Variants in LRRC75A observed in about 807,000 individuals in gnomAD.
LRRC75A encodes the protein leucine rich repeat containing 75A, also known as leucine-rich repeat-containing protein 75A.
Under a neutral mutation model 26.0 loss-of-function variants are expected in LRRC75A, and 12 were observed. The observed-to-expected ratio is 0.46, with a 90% CI of 0.30 to 0.75. The LOEUF (loss-of-function observed/expected upper bound fraction) is 0.75. Ranked by LOEUF, LRRC75A falls within the 30% of genes least tolerant of loss-of-function variation. LRRC75A has a pLI of 0.08. For missense variants in LRRC75A, 410 were observed against 486.6 expected (o/e 0.84, Z 1.48); for synonymous variants, 223 against 219.3 (o/e 1.02, Z -0.15).
At chr17:16,453,492 A>G (rs182728561) in intron 2 of LRRC75A, among the ~76,000 whole-genome samples, 1 of 152,254 alleles carries the variant, frequency 6.6e-6, no homozygotes, top group South Asian at 2.1e-4. Flanking sequence ...GCGTCTCCTC[A>G]CTGGCTAGAC....
intron 2 of LRRC75A, among the ~76,000 whole-genome samples, chr17:16,453,031 C>T (rs1007463082): frequency 6.6e-6 from 1 of 152,128 alleles, no homozygotes; most frequent in Non-Finnish European, 1.5e-5. Context: ...TAGTTCACGC[C>T]TGTAATCCCA....
In LRRC75A at chr17:16,456,422, A is replaced by G. The variant is rs561936596; in HGVS notation, c.375+5836T>C. Among the ~76,000 whole-genome samples the G allele has an allele frequency of 8.7e-5, 13 of 149,352 alleles. No homozygotes were observed. The East Asian group carries it at 2.6e-3, about 30-fold the overall frequency. Reference sequence around the variant, plus strand: ...AAGGAGGAAGAGGAGGAGGAGGAAGAGGAGCAGAAGAAGGAAGAGGAGGAG... The same window carrying G: ...AAGGAGGAAGAGGAGGAGGAGGAAGGGGAGCAGAAGAAGGAAGAGGAGGAG... On this transcript the variant is annotated intron_variant, in intron 2 of 3. Transcript: ENST00000470794.
Position 16,462,138 on chromosome 17 carries a change from G to T in LRRC75A, c.375+120C>A. On this transcript the variant is annotated intron_variant, in intron 2 of 3. Coordinates refer to ENST00000470794, the MANE Select transcript of LRRC75A (RefSeq NM_001113567.3). This position sits in a 1 kb window ranked among gnomAD's most constrained non-coding sequence, Gnocchi z 4.6. ...CACCTCAAGCTCTTGGTGCCTGGAG[G>T]ACGGGCTTGTCCTCCTTGGGCCTGT... 1 of 1,296,112 alleles carries T rather than the reference G, an allele frequency of 7.7e-7. No individual in the cohort carries two copies. The highest frequency in any genetic ancestry group is 1.1e-6 in the Non-Finnish European group (1 of 947,142). The allele number at this position is 1,296,112 out of a possible 1,614,324, so 80.3% of individuals were successfully genotyped here. A position where few individuals can be genotyped will look rare whatever the true frequency, so the allele number is the denominator to read the frequency against.
intron 1 of LRRC75A, among the ~76,000 whole-genome samples, chr17:16,466,755 C>A (rs1480910518): frequency 3.3e-5 from 5 of 152,138 alleles, no homozygotes; most frequent in Non-Finnish European, 5.9e-5. Flanking sequence ...ATAAACAGGT[C>A]TGGGGACTCG....
rs1372336685 is a variant in LRRC75A, at chr17:16,443,765, G to A, written c.858C>T (p.Arg286=). The A allele has an allele frequency of 6.2e-7, 1 of 1,613,820 alleles. No homozygotes were observed. Among genetic ancestry groups the A allele is most frequent in the Non-Finnish European group, 8.5e-7 (1 of 1,179,734 alleles). ...SLPQPFLLSL[R]KRSPKQGHLP... ...GGTGGCCCTGCTTTGGGGAGCGCTT[G>A]CGCAGGCTGAGCAGGAAGGGCTGGG... Residue 286 remains arginine (R), a synonymous_variant, in exon 4 of 4, where the codon CGC becomes CGT. Coordinates refer to ENST00000470794, the MANE Select transcript of LRRC75A (RefSeq NM_001113567.3).
intron 2 of LRRC75A, among the ~76,000 whole-genome samples, chr17:16,455,456 G>A (rs896792987): frequency 6.6e-5 from 10 of 151,654 alleles, no homozygotes; most frequent in African/African-American, 2.4e-4. Flanking sequence ...TCAGCTCAAT[G>A]CAACCTCCAT....
chr17:16,450,548 T>C (rs1270317303), intron 2 of LRRC75A, among the ~76,000 whole-genome samples: 2 of 152,152 alleles, frequency 1.3e-5, no homozygotes, highest in African/African-American at 4.8e-5. Context: ...TGTGTCACTC[T>C]TGTGTGTTGC....
In LRRC75A at chr17:16,462,374, C is replaced by T; in HGVS notation, c.259G>A (p.Glu87Lys). Residue 87 changes from glutamate (E) to lysine (K), a missense_variant, in exon 2 of 4, where the codon GAG becomes AAG. Physicochemically the swap from Glu to Lys is moderately conservative, Grantham distance 56. Transcript: ENST00000470794. The surrounding 1 kb of genome is among the most constrained non-coding windows in gnomAD (Gnocchi z 4.6). ...LQHLRQDLGMESTSLDDVLYR... is the reference protein window; with the variant it reads ...LQHLRQDLGMKSTSLDDVLYR... ...AGAACGTCGTCTAGCGAGGTCGACT[C>T]CATGCCCAGGTCCTGCAAGAGCAAA... The T allele has an allele frequency of 3.7e-6, 6 of 1,614,088 alleles. No individual in the cohort carries two copies. The highest frequency in any genetic ancestry group is 5.1e-6 in the Non-Finnish European group (6 of 1,180,026).
intron 3 of LRRC75A, 122 bp downstream of exon 3, chr17:16,447,723 T>C: frequency 2.9e-6 from 2 of 691,580 alleles, no homozygotes; most frequent in Admixed American, 3.0e-5. Context: ...TCTTACCTCC[T>C]TCAGGCAGCT....
At chr17:16,484,441 A>AT (rs1460574558) in intron 1 of LRRC75A, among the ~76,000 whole-genome samples, 1 of 152,224 alleles carries the variant, frequency 6.6e-6, no homozygotes, top group East Asian at 1.9e-4. Context: ...CCATGTGCAG[A>AT]TTGGGGAGGT....
chr17:16,465,269 A>G (rs2093759173), intron 1 of LRRC75A, among the ~76,000 whole-genome samples: 1 of 152,116 alleles, frequency 6.6e-6, no homozygotes, highest in Non-Finnish European at 1.5e-5. Flanking sequence ...CTGTCCCTAA[A>G]TGACCCTGGG....
intron 1 of LRRC75A, among the ~76,000 whole-genome samples, chr17:16,465,560 C>G (rs1300723952): frequency 6.6e-6 from 1 of 152,230 alleles, no homozygotes; most frequent in East Asian, 1.9e-4. Context: ...AGCTTGAAAG[C>G]CCTGGACCAG....
chr17:16,442,886 G>A lies in LRRC75A; in HGVS notation c.*702C>T, dbSNP rs1475955538. The stretch of plus-strand genomic sequence containing the variant: ...AAGGTGGATAGGGGATTTCTGAACA[G>A]GACTTTATGCCTGTATGCATGGGCA... On this transcript the variant is annotated 3_prime_UTR_variant, in exon 4 of 4. Transcript: ENST00000470794. The A allele has an allele frequency of 2.0e-5, 3 of 152,286 alleles. No homozygotes were observed. The highest frequency in any genetic ancestry group is 4.4e-5 in the Non-Finnish European group (3 of 68,080). The allele number at this position is 152,286 out of a possible 1,614,324, so 9.4% of individuals were successfully genotyped here. A position where few individuals can be genotyped will look rare whatever the true frequency, so the allele number is the denominator to read the frequency against.
intron 1 of LRRC75A, among the ~76,000 whole-genome samples, chr17:16,474,955 C>T (rs903657907): frequency 2.7e-5 from 4 of 149,574 alleles, no homozygotes; most frequent in Non-Finnish European, 4.4e-5. Context: ...ATTGTGCCAC[C>T]GCTGCACTCC....
At chr17:16,487,397 T>A (rs889919879) in intron 1 of LRRC75A, among the ~76,000 whole-genome samples, 1 of 152,148 alleles carries the variant, frequency 6.6e-6, no homozygotes, top group African/African-American at 2.4e-5. Context: ...AGTCTCCACA[T>A]CTCCAGGGAG....
intron 1 of LRRC75A, among the ~76,000 whole-genome samples, chr17:16,471,975 G>A (rs1005728757): frequency 3.9e-5 from 6 of 152,154 alleles, no homozygotes; most frequent in Non-Finnish European, 8.8e-5. Flanking sequence ...AAAGAGTTCT[G>A]GAGATGGAAG....
chr17:16,454,000 C>T (rs904984465), intron 2 of LRRC75A, among the ~76,000 whole-genome samples: 1 of 152,160 alleles, frequency 6.6e-6, no homozygotes, highest in African/African-American at 2.4e-5. Context: ...GAGCAGATAG[C>T]CTTCCTGGGT....
chr17:16,484,705 A>G (rs536174969), intron 1 of LRRC75A, among the ~76,000 whole-genome samples: 4 of 152,210 alleles, frequency 2.6e-5, no homozygotes, highest in Non-Finnish European at 4.4e-5. Context: ...CAGAGACACA[A>G]AGAAAAGCTG....
rs771168293 is a variant in LRRC75A at position 16,462,311 on chromosome 17, T to C, written c.322A>G (p.Ile108Val). 5 of 1,614,180 alleles carry C rather than the reference T, an allele frequency of 3.1e-6. No homozygotes were observed. The Admixed American group carries it at 8.3e-5, about 27-fold the overall frequency. Residue 108 changes from isoleucine (I) to valine (V), a missense_variant, in exon 2 of 4, where the codon ATC becomes GTC. Ile to Val is a conservative substitution (Grantham distance 29). Transcript: ENST00000470794. The surrounding 1 kb of genome is among the most constrained non-coding windows in gnomAD (Gnocchi z 4.6). ...AGGCTGATGATGAGGTCGTGTGTGATGGGGTCCACCAGGTTCCGGAAGCTG... is the reference window on the plus strand; with the variant it reads ...AGGCTGATGATGAGGTCGTGTGTGACGGGGTCCACCAGGTTCCGGAAGCTG... ...YASFRNLVDP[I>V]THDLIISLAR...
Sources: allele counts gnomAD v4.1 joint callset (sites outside exome capture counted in the v4.1 genomes callset), GRCh38; gene constraint gnomAD v4.1.1; non-coding constraint Gnocchi (gnomAD v3.1); transcripts MANE v1.5; gene names NCBI Gene and HGNC (gene_info 2026-07-23, HGNC 2026-07-21).